Variants in KIF20B observed in about 807,000 individuals in gnomAD.
KIF20B encodes kinesin-like protein KIF20B.
KIF20B carries 188 observed loss-of-function variants against 232.5 expected under a neutral mutation model. The observed-to-expected ratio is 0.81, with a 90% confidence interval of 0.72 to 0.91. The LOEUF (loss-of-function observed/expected upper bound fraction) is 0.91. Among genes scored for constraint, KIF20B ranks in the 40% least tolerant of loss-of-function variants. KIF20B has a pLI of 0.00. For missense variants in KIF20B, 2,154 were observed against 2,055.9 expected (o/e 1.05, Z -0.92); for synonymous variants, 712 against 683.0 (o/e 1.04, Z -0.66).
intron 31 of KIF20B, among the ~76,000 whole-genome samples, chr10:89,769,773 T>C (rs994116031): frequency 4.0e-5 from 6 of 151,874 alleles, no homozygotes; most frequent in Admixed American, 6.6e-5. Flanking sequence ...CAGGCAGCAA[T>C]ACACATCTGG....
chr10:89,754,680 A>G lies in KIF20B; in HGVS notation c.4503+7A>G, dbSNP rs759866714. Reference sequence around the variant, plus strand: ...TAAGCAACAGAATGAAATGGTTAGTAACAATTGTATCTTTGATGTATTTCA... The same window carrying G: ...TAAGCAACAGAATGAAATGGTTAGTGACAATTGTATCTTTGATGTATTTCA... On this transcript the variant is annotated splice_region_variant and intron_variant, in intron 26 of 32. Transcript: ENST00000371728. 5.6e-5 allele frequency: 85 copies of G among 1,526,420 alleles called. No individual in the cohort carries two copies. The highest frequency in any genetic ancestry group is 6.9e-5 in the Non-Finnish European group (78 of 1,137,182). The allele number at this position is 1,526,420 out of a possible 1,614,324, so 94.6% of individuals were successfully genotyped here. A position where few individuals can be genotyped will look rare whatever the true frequency, so the allele number is the denominator to read the frequency against.
At position 89,768,883 on chromosome 10, in the gene KIF20B, C is replaced by T. The variant is rs370718991; in HGVS notation, c.5237C>T (p.Ser1746Leu). Residue 1746 changes from serine (S) to leucine (L), a missense_variant, in exon 31 of 33, where the codon TCA becomes TTA. Coordinates refer to ENST00000371728, the MANE Select transcript of KIF20B (RefSeq NM_001284259.2). ...CAACATTCTCCCTCAATTCTTCAAT[C>T]AAAAGGTTTGCAGAAAATTAATTAA... ...FLQHSPSILQ[S>L]KAKKIIETMS... is the part of the protein sequence containing the mutation. 17 of 1,583,954 alleles carry T rather than the reference C, an allele frequency of 1.1e-5. No individual in the cohort carries two copies. In the African/African-American group the frequency reaches 2.2e-4, roughly 21 times the overall value.
intron 2 of KIF20B, among the ~76,000 whole-genome samples, chr10:89,707,111 CTT>C (rs1181436889): frequency 5.3e-5 from 8 of 152,066 alleles, no homozygotes; most frequent in Non-Finnish European, 1.0e-4. Context: ...CCTTTCGTGT[CTT>C]TTGTCAAATA....
At chr10:89,714,196 T>G in intron 7 of KIF20B, 113 bp downstream of exon 7, 1 of 529,322 alleles carries the variant, frequency 1.9e-6, no homozygotes, top group South Asian at 4.6e-5. Flanking sequence ...TAAAAAATTT[T>G]TAGGCTGGGC....
chr10:89,752,578 T>C lies in KIF20B; in HGVS notation c.4234T>C (p.Trp1412Arg). Residue 1412 changes from tryptophan (W) to arginine (R), a missense_variant, in exon 25 of 33, where the codon TGG (tryptophan) becomes CGG (arginine). Trp to Arg is a moderately radical substitution (Grantham distance 101). Transcript: ENST00000371728. ...VERLATELEK[W>R]KEKCNDLETK... is the part of the protein sequence containing the mutation. ...TGTCTTCAAATCAGAATTGGAAAAA[T>C]GGAAGGAAAAATGCAATGATTTGGA... 1 of 1,598,874 alleles carries C rather than the reference T, an allele frequency of 6.3e-7. No homozygotes were observed. Among genetic ancestry groups the C allele is most frequent in the South Asian group, 1.1e-5 (1 of 88,790 alleles).
chr10:89,774,058 G>A lies in KIF20B; in HGVS notation c.*10G>A. ...AAAAACAGCCAAATAAATCACTTAT[G>A]GAAATGTTTAATATAAATTTTATAG... On this transcript the variant is annotated 3_prime_UTR_variant, in exon 33 of 33. Transcript: ENST00000371728. The A allele has an allele frequency of 6.5e-7, 1 of 1,537,820 alleles. No homozygotes were observed. The highest frequency in any genetic ancestry group is 8.9e-7 in the Non-Finnish European group (1 of 1,128,096).
chr10:89,718,655 T>G, intron 11 of KIF20B, 55 bp from the exon 12 acceptor site: 1 of 1,358,576 alleles, frequency 7.4e-7, no homozygotes, highest in Non-Finnish European at 1.0e-6. Flanking sequence ...CTCAGCACCC[T>G]GATTTCATGA....
At chr10:89,758,517 A>C (rs1242447571) in intron 26 of KIF20B, among the ~76,000 whole-genome samples, 189 bp from the exon 27 acceptor site, 2 of 152,084 alleles carry the variant, frequency 1.3e-5, no homozygotes, top group Admixed American at 1.3e-4. Context: ...GGATAAAAAT[A>C]ACATGGACAT....
intron 13 of KIF20B, 43 bp downstream of exon 13, chr10:89,719,749 C>T: frequency 1.4e-6 from 2 of 1,458,594 alleles, no homozygotes; most frequent in Non-Finnish European, 1.9e-6. Flanking sequence ...TCTTCTTATT[C>T]TGAAGTTAAG....
chr10:89,705,467 G>A, intron 2 of KIF20B, 26 bp downstream of exon 2: 1 of 1,603,190 alleles, frequency 6.2e-7, no homozygotes, highest in Non-Finnish European at 8.5e-7. Flanking sequence ...GTATTGTGTT[G>A]ATTATCATGC....
At chr10:89,753,645 G>A (rs539026266) in intron 25 of KIF20B, among the ~76,000 whole-genome samples, 2 of 152,074 alleles carry the variant, frequency 1.3e-5, no homozygotes, top group South Asian at 2.1e-4. Context: ...TTTTTGAGAC[G>A]GAATCTTGCT....
chr10:89,719,290 G>A (rs2133098332), intron 12 of KIF20B, 129 bp from the exon 13 acceptor site: 2 of 643,344 alleles, frequency 3.1e-6, no homozygotes, highest in East Asian at 2.8e-5. Context: ...ATTCCTGTTT[G>A]TATGTTTGTT....
At position 89,731,642 on chromosome 10, in the gene KIF20B, G is replaced by A. The variant is rs958173093; in HGVS notation, c.2392-1261G>A. 5.9e-5 allele frequency among the ~76,000 whole-genome samples: 9 copies of A among 152,110 alleles called. No homozygotes were observed. The South Asian group carries it at 6.2e-4, about 11-fold the overall frequency. ...TATAACTTCTGAAGGATAGATTTTTGGTGAGGATTGTATATTTTGAAGCGG... is the reference window on the plus strand; with the variant it reads ...TATAACTTCTGAAGGATAGATTTTTAGTGAGGATTGTATATTTTGAAGCGG... On this transcript the variant is annotated intron_variant, in intron 18 of 32. Coordinates refer to ENST00000371728, the MANE Select transcript of KIF20B (RefSeq NM_001284259.2).
intron 13 of KIF20B, among the ~76,000 whole-genome samples, chr10:89,720,696 G>GTATTTATT (rs199703297): frequency 4.3e-4 from 65 of 151,758 alleles, no homozygotes; most frequent in African/African-American, 1.5e-3. Flanking sequence ...TCCAATTATA[G>GTATTTATT]TATTTATTTA....
At chr10:89,729,328 A>G in intron 18 of KIF20B, 81 bp downstream of exon 18, 1 of 1,256,590 alleles carries the variant, frequency 8.0e-7, no homozygotes, top group African/African-American at 1.6e-5. Flanking sequence ...AAAATAGCTT[A>G]TGCAACTAAG....
intron 17 of KIF20B, among the ~76,000 whole-genome samples, chr10:89,728,727 C>T (rs1256660006): frequency 6.6e-6 from 1 of 151,910 alleles, no homozygotes; most frequent in Non-Finnish European, 1.5e-5. Context: ...TGGTCTCAAA[C>T]TCCTGACTTC....
chr10:89,774,262 C>T lies in KIF20B; in HGVS notation c.*214C>T. 1 of 318,566 alleles carries T rather than the reference C, an allele frequency of 3.1e-6. No individual in the cohort carries two copies. Among genetic ancestry groups the T allele is most frequent in the Non-Finnish European group, 5.7e-6 (1 of 174,260 alleles). The allele number at this position is 318,566 out of a possible 1,614,324, so 19.7% of individuals were successfully genotyped here. On this transcript the variant is annotated 3_prime_UTR_variant, in exon 33 of 33. Transcript: ENST00000371728. ...AATAGCTTCTTTCAAACTGTATTTC[C>T]CTATTATCTCAGACATTGGATCAGT...
intron 6 of KIF20B, 26 bp from the exon 7 acceptor site, chr10:89,714,021 A>AT: frequency 8.0e-7 from 1 of 1,244,024 alleles, no homozygotes; most frequent in Non-Finnish European, 1.1e-6. Flanking sequence ...TGTTTTTTTA[A>AT]TTTTTTAAAA....
At chr10:89,765,686 A>G (rs1842344868) in intron 29 of KIF20B, among the ~76,000 whole-genome samples, 1 of 152,168 alleles carries the variant, frequency 6.6e-6, no homozygotes, top group East Asian at 1.9e-4. Context: ...CAAAACAGAG[A>G]TATAGATCAA....
Sources: gnomAD v4.1 joint callset for allele counts (sites outside exome capture counted in the v4.1 genomes callset) on GRCh38, gnomAD v4.1.1 for gene constraint, MANE v1.5 for transcripts, NCBI Gene and HGNC (gene_info 2026-07-23, HGNC 2026-07-21) for gene names.